Variants in STK3 observed in about 807,000 individuals in gnomAD.
STK3 encodes serine/threonine kinase 3.
A neutral mutation model predicts 58.0 loss-of-function variants in STK3; 41 were observed. The observed-to-expected ratio is 0.71, with a 90% CI of 0.55 to 0.92. STK3 has a LOEUF of 0.92. STK3 is among the 40% of genes least tolerant of loss of function. The probability of loss-of-function intolerance (pLI) is 0.00; values close to 1 mark genes in which losing one functional copy is unlikely to be tolerated. For synonymous variants in STK3, 170 were observed against 191.0 expected, an observed-to-expected ratio of 0.89 and a Z score of 0.91; for missense variants, 479 against 602.7, an observed-to-expected ratio of 0.79 and a Z score of 2.15.
intron 4 of STK3, among the ~76,000 whole-genome samples, chr8:98,722,159 G>A (rs1827477435): frequency 1.3e-5 from 2 of 152,098 alleles, no homozygotes. Context: ...CTCAAATAAT[G>A]AACTAAAGAA....
At chr8:98,756,137 G>A (rs1282361675) in intron 3 of STK3, among the ~76,000 whole-genome samples, 6 of 148,148 alleles carry the variant, frequency 4.1e-5, no homozygotes, top group Non-Finnish European at 7.4e-5. Context: ...GTGAGGCTCC[G>A]CCTCAAAAAA....
downstream of STK3, among the ~76,000 whole-genome samples, chr8:98,400,950 C>T (rs74799689): frequency 0.011 from 1,671 of 152,144 alleles, 28 homozygotes; most frequent in African/African-American, 0.037. Context: ...ATTCCTCCAT[C>T]GAGAGATGGC....
intron 10 of STK3, among the ~76,000 whole-genome samples, chr8:98,509,746 C>T (rs1824358911): frequency 6.6e-6 from 1 of 151,846 alleles, no homozygotes; most frequent in Admixed American, 6.6e-5. Flanking sequence ...TTTAACAAGA[C>T]TGTAAATAAA....
At chr8:98,730,117 T>C (rs1828070018) in intron 4 of STK3, among the ~76,000 whole-genome samples, 1 of 152,130 alleles carries the variant, frequency 6.6e-6, no homozygotes, top group Non-Finnish European at 1.5e-5. Flanking sequence ...GTCACTGGAG[T>C]TGAGAACCAT....
downstream of STK3, among the ~76,000 whole-genome samples, chr8:98,452,199 T>A (rs1819229342): frequency 6.6e-6 from 1 of 152,200 alleles, no homozygotes; most frequent in South Asian, 2.1e-4. Context: ...GAACTGCACA[T>A]CCTTCAGTGA....
At chr8:98,648,951 G>C (rs1159236462) in intron 6 of STK3, among the ~76,000 whole-genome samples, 1 of 151,628 alleles carries the variant, frequency 6.6e-6, no homozygotes, top group East Asian at 1.9e-4. Context: ...CAGCTACTTG[G>C]GAGGCTGAGG....
chr8:98,584,699 G>C (rs1268824553), intron 7 of STK3, among the ~76,000 whole-genome samples: 6 of 150,646 alleles, frequency 4.0e-5, no homozygotes, highest in Middle Eastern at 3.4e-3. Context: ...GGTTGAACTA[G>C]TTCACAGTCC....
At chr8:98,672,287 T>C (rs1822891065) in intron 6 of STK3, among the ~76,000 whole-genome samples, 1 of 151,526 alleles carries the variant, frequency 6.6e-6, no homozygotes, top group Admixed American at 6.6e-5. Flanking sequence ...GGGGGTGTGA[T>C]TGGTGGGGGT....
chr8:98,751,893 T>C (rs1204303402), intron 3 of STK3, among the ~76,000 whole-genome samples: 2 of 152,026 alleles, frequency 1.3e-5, no homozygotes, highest in Admixed American at 6.6e-5. Flanking sequence ...TGAGCTGAGA[T>C]TGTGTCACTG....
chr8:98,893,363 T>A (rs1838272892), intron 1 of STK3, among the ~76,000 whole-genome samples: 1 of 144,630 alleles, frequency 6.9e-6, no homozygotes, highest in Non-Finnish European at 1.5e-5. Flanking sequence ...CACTTCAGCC[T>A]GGGTGACAGA....
the STK3 span, among the ~76,000 whole-genome samples, chr8:98,344,587 C>G: frequency 6.6e-6 from 1 of 151,980 alleles, no homozygotes; most frequent in Non-Finnish European, 1.5e-5. Context: ...GCACAGGAGC[C>G]ATGAGTAGAA....
At chr8:98,674,867 A>G (rs545279811) in intron 6 of STK3, among the ~76,000 whole-genome samples, 23 of 152,304 alleles carry the variant, frequency 1.5e-4, no homozygotes, top group Admixed American at 3.9e-4. Flanking sequence ...ATAAATTTCT[A>G]TTAAATGTGT....
chr8:98,472,279 G>A (rs1001638723), intron 10 of STK3, among the ~76,000 whole-genome samples: 4 of 152,032 alleles, frequency 2.6e-5, no homozygotes, highest in African/African-American at 9.7e-5. Context: ...AAAAAGAGAT[G>A]GCTTCTTAAA....
At chr8:98,574,644 A>G (rs1279256204) in intron 8 of STK3, among the ~76,000 whole-genome samples, 2 of 152,204 alleles carry the variant, frequency 1.3e-5, no homozygotes, top group Non-Finnish European at 2.9e-5. Context: ...TGGCAGAAAC[A>G]CTACCAGCAT....
At chr8:98,905,360 G>A in intron 1 of STK3, 1 of 1,029,828 alleles carries the variant, frequency 9.7e-7, no homozygotes, top group African/African-American at 1.6e-5. Flanking sequence ...CACATTCAAT[G>A]ACTGGACCAT....
At chr8:98,846,524 CT>C (rs906972226) in intron 3 of STK3, among the ~76,000 whole-genome samples, 2 of 152,158 alleles carry the variant, frequency 1.3e-5, no homozygotes, top group African/African-American at 4.8e-5. Flanking sequence ...TCTTTGCCCC[CT>C]TGGTCCTGTT....
intron 7 of STK3, among the ~76,000 whole-genome samples, chr8:98,583,278 G>A (rs1041889171): frequency 4.6e-5 from 7 of 152,206 alleles, no homozygotes; most frequent in African/African-American, 1.4e-4. Context: ...CATCACATGT[G>A]TTAGAATCAT....
the STK3 span, among the ~76,000 whole-genome samples, chr8:98,351,992 TA>T: frequency 2.6e-5 from 4 of 151,996 alleles, no homozygotes; most frequent in Non-Finnish European, 5.9e-5. Flanking sequence ...ACCCCGTCTC[TA>T]CTAAAAATAC....
chr8:98,357,343 G>A, the STK3 span, among the ~76,000 whole-genome samples: 1 of 152,156 alleles, frequency 6.6e-6, no homozygotes, highest in Non-Finnish European at 1.5e-5. Context: ...TCACAGCAAG[G>A]ATTCTAATCT....
Sources: allele counts gnomAD v4.1 joint callset (sites outside exome capture counted in the v4.1 genomes callset), GRCh38; gene constraint gnomAD v4.1.1; transcripts MANE v1.5; gene names NCBI Gene and HGNC (gene_info 2026-07-23, HGNC 2026-07-21).